The following ANKS1B variants were observed in gnomAD, a reference collection of about 807,000 sequenced individuals.
ANKS1B encodes the protein ankyrin repeat and sterile alpha motif domain containing 1B, also known as ankyrin repeat and sterile alpha motif domain-containing protein 1B.
Under a neutral mutation model 148.3 loss-of-function variants are expected in ANKS1B, and 36 were observed. The observed-to-expected ratio is 0.24, with a 90% CI of 0.19 to 0.32. The LOEUF (loss-of-function observed/expected upper bound fraction) is 0.32. Among genes scored for constraint, ANKS1B ranks in the 10% least tolerant of loss-of-function variants. ANKS1B has a pLI of 1.00. For missense variants in ANKS1B, 1,157 were observed against 1,542.6 expected (o/e 0.75, Z 4.19); for synonymous variants, 542 against 560.8 (o/e 0.97, Z 0.47).
chr12:99,311,530 T>C (rs1330124144), intron 12 of ANKS1B, among the ~76,000 whole-genome samples: 9 of 152,056 alleles, frequency 5.9e-5, no homozygotes, highest in African/African-American at 2.2e-4. Context: ...GTAAACACCA[T>C]CAGAATTCAG....
intron 9 of ANKS1B, among the ~76,000 whole-genome samples, chr12:99,603,685 A>G (rs2097825503): frequency 6.6e-6 from 1 of 152,142 alleles, no homozygotes; most frequent in African/African-American, 2.4e-5. Flanking sequence ...AAAAAAGTAA[A>G]TGTTTTAATT....
At chr12:99,047,494 C>T (rs1384373276) in intron 17 of ANKS1B, among the ~76,000 whole-genome samples, 2 of 152,094 alleles carry the variant, frequency 1.3e-5, no homozygotes, top group Non-Finnish European at 2.9e-5. Flanking sequence ...AAAAACTTCG[C>T]ACATAGAAAA....
intron 1 of ANKS1B, among the ~76,000 whole-genome samples, chr12:99,978,034 T>C (rs1399856909): frequency 1.3e-5 from 2 of 152,240 alleles, no homozygotes; most frequent in African/African-American, 4.8e-5. Context: ...TCTAGTTAAA[T>C]ACTCAGGAAT....
At chr12:99,924,428 T>C (rs1460166428) in intron 1 of ANKS1B, among the ~76,000 whole-genome samples, 3 of 152,192 alleles carry the variant, frequency 2.0e-5, no homozygotes, top group Non-Finnish European at 4.4e-5. Flanking sequence ...ATTGCAGCAA[T>C]ATCTAATTTC....
At chr12:99,306,284 G>A (rs2082327960) in intron 12 of ANKS1B, among the ~76,000 whole-genome samples, 1 of 152,066 alleles carries the variant, frequency 6.6e-6, no homozygotes, top group South Asian at 2.1e-4. Flanking sequence ...TGACTGAGAA[G>A]GAAGCATTCA....
intron 14 of ANKS1B, among the ~76,000 whole-genome samples, chr12:99,231,143 C>A (rs1203696608): frequency 6.6e-6 from 1 of 152,076 alleles, no homozygotes; most frequent in Non-Finnish European, 1.5e-5. Flanking sequence ...TTTGTGCATT[C>A]ACTTTTGGGA....
intron 17 of ANKS1B, among the ~76,000 whole-genome samples, chr12:98,925,647 A>C (rs1028073469): frequency 3.3e-5 from 5 of 152,174 alleles, no homozygotes; most frequent in African/African-American, 1.2e-4. Flanking sequence ...GCCTCTCCAC[A>C]GCTTCACAGT....
At chr12:99,684,817 A>C (rs928563891) in intron 8 of ANKS1B, among the ~76,000 whole-genome samples, 1 of 152,122 alleles carries the variant, frequency 6.6e-6, no homozygotes, top group African/African-American at 2.4e-5. Flanking sequence ...ACAAAAATAT[A>C]ATGTGGGGAA....
chr12:99,235,546 T>G (rs1251641691), intron 14 of ANKS1B, among the ~76,000 whole-genome samples: 1 of 152,198 alleles, frequency 6.6e-6, no homozygotes. Flanking sequence ...CCTGAAAGAA[T>G]TACGTGGCAA....
chr12:99,497,753 G>T lies in ANKS1B; in HGVS notation c.1438+6723C>A, dbSNP rs181532314. Reference sequence around the variant, plus strand: ...GGTTAGGATTCCAACCTTTCTTTTCGGGGGCATAATATGGGGGGGACACAA... The same window carrying T: ...GGTTAGGATTCCAACCTTTCTTTTCTGGGGCATAATATGGGGGGGACACAA... On this transcript the variant is annotated intron_variant, in intron 10 of 26. Transcript: ENST00000683438. Among the ~76,000 whole-genome samples, 90 of 150,192 alleles carry T rather than the reference G, an allele frequency of 6.0e-4. 2 individuals are homozygous for T. In the East Asian group the frequency reaches 0.015, roughly 25 times the overall value.
At chr12:98,781,313 A>AACACAC (rs59308427) in intron 23 of ANKS1B, 110 bp from the exon 24 acceptor site, 69 of 614,088 alleles carry the variant, frequency 1.1e-4, no homozygotes, top group African/African-American at 6.1e-4. Context: ...AAACAACAAC[A>AACACAC]ACACACACAC....
chr12:99,488,668 GAATGCAATCTCCCC>G (rs1451901203), intron 10 of ANKS1B, among the ~76,000 whole-genome samples: 5 of 152,252 alleles, frequency 3.3e-5, no homozygotes, highest in East Asian at 3.9e-4. Flanking sequence ...TTACCATTAA[GAATGCAATCTCCCC>G]ACTGCTCTGC....
chr12:98,975,349 C>A (rs1312585094), intron 17 of ANKS1B, among the ~76,000 whole-genome samples: 1 of 149,646 alleles, frequency 6.7e-6, no homozygotes, highest in East Asian at 2.0e-4. Flanking sequence ...TTTCTCCTTC[C>A]TTCCCTCCCT....
intron 12 of ANKS1B, among the ~76,000 whole-genome samples, chr12:99,325,335 G>A (rs2086106180): frequency 6.6e-6 from 1 of 152,044 alleles, no homozygotes; most frequent in Non-Finnish European, 1.5e-5. Flanking sequence ...GTGTGAGAAT[G>A]GTGAAATCAT....
chr12:99,015,502 CCT>C (rs764156060), intron 17 of ANKS1B, among the ~76,000 whole-genome samples: 5 of 152,056 alleles, frequency 3.3e-5, no homozygotes, highest in Non-Finnish European at 7.4e-5. Context: ...CACTTGTACC[CCT>C]GAGTGTAAAA....
chr12:99,872,108 T>C (rs1473127729), intron 1 of ANKS1B, among the ~76,000 whole-genome samples: 3 of 152,178 alleles, frequency 2.0e-5, no homozygotes, highest in Non-Finnish European at 4.4e-5. Context: ...ATTAAAAAGA[T>C]TATCAATACC....
chr12:99,060,653 TCACA>T (rs35515489), intron 16 of ANKS1B, among the ~76,000 whole-genome samples: 10,455 of 125,934 alleles, frequency 0.083, 498 homozygotes, highest in East Asian at 0.13. Flanking sequence ...TATATACACA[TCACA>T]CACACACACA....
At chr12:99,059,684 AT>A (rs1298847242) in intron 16 of ANKS1B, among the ~76,000 whole-genome samples, 1 of 151,436 alleles carries the variant, frequency 6.6e-6, no homozygotes, top group Non-Finnish European at 1.5e-5. Context: ...CTGCTTTGTA[AT>A]TCCTAAATTT....
At chr12:99,634,268 G>A (rs34055636) in intron 9 of ANKS1B, among the ~76,000 whole-genome samples, 7,732 of 152,072 alleles carry the variant, frequency 0.051, 312 homozygotes, top group Non-Finnish European at 0.077. Flanking sequence ...TATCATGGGA[G>A]TGGGACTGGT....
Sources: allele counts gnomAD v4.1 joint callset (sites outside exome capture counted in the v4.1 genomes callset), GRCh38; gene constraint gnomAD v4.1.1; transcripts MANE v1.5; gene names NCBI Gene and HGNC (gene_info 2026-07-23, HGNC 2026-07-21).